FAM186A: variants seen among roughly 807,000 people sequenced by gnomAD.
FAM186A encodes the protein family with sequence similarity 186 member A, also known as protein FAM186A.
In FAM186A, 163 loss-of-function variants were observed where a neutral mutation model predicts 216.8. The ratio of observed to expected loss-of-function variants is 0.75; its 90% CI spans 0.66 to 0.86. The LOEUF (loss-of-function observed/expected upper bound fraction) is 0.86, where lower values mean the gene tolerates loss of function less well. FAM186A is among the 40% of genes least tolerant of loss of function. FAM186A has a pLI of 0.00. For synonymous variants in FAM186A, 805 were observed against 1,025.3 expected (o/e 0.79, Z 4.10); for missense variants, 2,184 against 2,746.2 (o/e 0.80, Z 4.58).
intron 1 of FAM186A, among the ~76,000 whole-genome samples, chr12:50,388,579 A>G (rs988221050): frequency 2.7e-5 from 4 of 150,078 alleles, no homozygotes; most frequent in African/African-American, 9.9e-5. Context: ...AGAATGCACC[A>G]TTGCACTCCA....
At chr12:50,375,249 A>G (rs1229960220) in intron 1 of FAM186A, among the ~76,000 whole-genome samples, 1 of 151,992 alleles carries the variant, frequency 6.6e-6, no homozygotes, top group African/African-American at 2.4e-5. Context: ...GCGATATACA[A>G]TTACAAACTG....
chr12:50,333,530 A>G (rs78907107), intron 5 of FAM186A, among the ~76,000 whole-genome samples: 3 of 152,276 alleles, frequency 2.0e-5, no homozygotes, highest in Non-Finnish European at 1.5e-5. Context: ...CTGTCTCAAA[A>G]AAACGAAAAA....
chr12:50,380,654 C>T (rs1428256836), intron 1 of FAM186A, among the ~76,000 whole-genome samples: 2 of 151,552 alleles, frequency 1.3e-5, no homozygotes, highest in Non-Finnish European at 2.9e-5. Context: ...TGAGATCATG[C>T]CACTGCATTC....
rs199775951 is a variant in FAM186A at position 50,331,734 on chromosome 12, G to C, written c.6784C>G (p.Gln2262Glu). ...KQIPASTTFV[Q>E]KPFLKLLMEE... ...ATTAGTAATTTTAAGAATGGCTTTT[G>C]AACAAATGTGGTAGAGGCAGGTATC... Residue 2262 changes from glutamine to glutamate, a missense_variant, in exon 6 of 8, where the codon CAA becomes GAA. This residue lies in a region of FAM186A where 721 missense variants were observed against 816.4 expected (regional missense o/e 0.88). Transcript: ENST00000327337. 5.4e-5 allele frequency: 83 copies of C among 1,549,570 alleles called. No individual in the cohort carries two copies. Among genetic ancestry groups the C allele is most frequent in the Non-Finnish European group, 7.2e-5 (82 of 1,146,632 alleles).
At chr12:50,391,336 G>C (rs897692217) in intron 1 of FAM186A, among the ~76,000 whole-genome samples, 1 of 149,772 alleles carries the variant, frequency 6.7e-6, no homozygotes, top group Admixed American at 6.7e-5. Context: ...TATATTTTTT[G>C]AGACAGAGTC....
intron 1 of FAM186A, among the ~76,000 whole-genome samples, chr12:50,371,643 A>G (rs2136101185): frequency 6.6e-6 from 1 of 152,274 alleles, no homozygotes; most frequent in Non-Finnish European, 1.5e-5. Flanking sequence ...GATAAGGAGA[A>G]AGGGAAATGG....
Position 50,360,867 on chromosome 12 carries a change from G to A in FAM186A, c.472C>T (p.Gln158Ter). The A allele has an allele frequency of 6.4e-7, 1 of 1,551,114 alleles. No individual in the cohort carries two copies. The highest frequency in any genetic ancestry group is 8.7e-7 in the Non-Finnish European group (1 of 1,146,792). ...AACGTGTCCGGTAACAACTCCATTT[G>A]TGCTATCCAGTGGTGGTGTTCATCA... is the stretch of plus-strand genomic sequence containing the variant. ...DVDEHHHWIA[Q>*]MELLPDTLKA... The change falls in exon 3 of 8, where the codon CAA becomes TAA. Residue 158 changes from glutamine (Q) to a stop codon, truncating the protein, a stop_gained. Coordinates refer to ENST00000327337, the MANE Select transcript of FAM186A (RefSeq NM_001145475.3). LOFTEE classifies it high-confidence loss of function.
At chr12:50,344,615 T>G (rs1942794813) in intron 4 of FAM186A, among the ~76,000 whole-genome samples, 1 of 152,202 alleles carries the variant, frequency 6.6e-6, no homozygotes, top group South Asian at 2.1e-4. Flanking sequence ...TATTTTCCTT[T>G]GAATATATAC....
At position 50,351,236 on chromosome 12, in the gene FAM186A, C is replaced by T. The variant is rs1942875202; in HGVS notation, c.5596G>A (p.Ala1866Thr). 6.4e-7 allele frequency: 1 copy of T among 1,551,486 alleles called. No homozygotes were observed. The highest frequency in any genetic ancestry group is 8.7e-7 in the Non-Finnish European group (1 of 1,146,912). ...LSPGQPLVPE[A>T]SSIPGDLLES... The stretch of plus-strand genomic sequence containing the variant: ...AGGAGGTCCCCAGGGATGGAAGAGG[C>T]TTCAGGAACTAAGGGCTGCCCAGGA... Residue 1866 changes from alanine (A) to threonine (T), a missense_variant, in exon 4 of 8, where the codon GCC (alanine) becomes ACC (threonine). Physicochemically the swap from Ala to Thr is moderately conservative, Grantham distance 58 (BLOSUM62 0). Coordinates refer to ENST00000327337, the MANE Select transcript of FAM186A (RefSeq NM_001145475.3).
intron 4 of FAM186A, among the ~76,000 whole-genome samples, chr12:50,341,575 A>G (rs962301747): frequency 1.4e-4 from 21 of 152,144 alleles, no homozygotes; most frequent in African/African-American, 3.9e-4. Flanking sequence ...AGTGGCTCAT[A>G]CCTGTAATCC....
Position 50,354,558 on chromosome 12 carries a change from A to C in FAM186A, c.2274T>G (p.Phe758Leu). The change falls in exon 4 of 8, where the codon TTT (phenylalanine) becomes TTG (leucine). Residue 758 changes from phenylalanine to leucine, a missense_variant. Physicochemically the swap from Phe to Leu is conservative, Grantham distance 22 (BLOSUM62 0). This residue lies in a region of FAM186A where 1,132 missense variants were observed against 1,263.4 expected (regional missense o/e 0.90). Transcript: ENST00000327337. ...KPIKQKKVVSFMPGLHFQKSP... is the reference protein window; with the variant it reads ...KPIKQKKVVSLMPGLHFQKSP... ...ACTTCTGAAAATGCAATCCTGGCAT[A>C]AATGAGACTACCTTTTTTTGTTTTA... The C allele has an allele frequency of 1.3e-6, 2 of 1,551,562 alleles. No homozygotes were observed. The highest frequency in any genetic ancestry group is 2.4e-5 in the South Asian group (2 of 84,014).
chr12:50,388,534 G>A (rs935955238), intron 1 of FAM186A, among the ~76,000 whole-genome samples: 1 of 151,442 alleles, frequency 6.6e-6, no homozygotes. Flanking sequence ...CAGGAGAATC[G>A]CTTGAACCTG....
In FAM186A at chr12:50,354,966, T is replaced by A; in HGVS notation, c.1866A>T (p.Glu622Asp). 6.5e-7 allele frequency: 1 copy of A among 1,549,676 alleles called. No individual in the cohort carries two copies. The highest frequency in any genetic ancestry group is 8.7e-7 in the Non-Finnish European group (1 of 1,146,616). Residue 622 changes from glutamate (E) to aspartate (D), a missense_variant, in exon 4 of 8, where the codon GAA becomes GAT. Glu to Asp is a conservative substitution (Grantham distance 45). This residue lies in a region of FAM186A where 1,132 missense variants were observed against 1,263.4 expected (regional missense o/e 0.90). Coordinates refer to ENST00000327337, the MANE Select transcript of FAM186A (RefSeq NM_001145475.3). The part of the protein sequence containing the change: ...ISSGTITSKE[E>D]KTEEKEELTK... ...TCAACTCTTCCTTCTCTTCAGTTTT[T>A]TCTTCTTTGCTTGTGATAGTTCCTG...
Position 50,379,236 on chromosome 12 carries a change from C to T in FAM186A, c.193-15872G>A, listed in dbSNP as rs557662515. On this transcript the variant is annotated intron_variant, in intron 1 of 7. Coordinates refer to ENST00000327337, the MANE Select transcript of FAM186A (RefSeq NM_001145475.3). Reference sequence around the variant, plus strand: ...TGGGTGGATCATAAGGTCAGGAGATCGAGACCCTCCTACCTAACATGGTGA... The same window carrying T: ...TGGGTGGATCATAAGGTCAGGAGATTGAGACCCTCCTACCTAACATGGTGA... 7.3e-5 allele frequency among the ~76,000 whole-genome samples: 11 copies of T among 151,624 alleles called. No homozygotes were observed. In the East Asian group the frequency reaches 2.0e-3, roughly 27 times the overall value.
In FAM186A at chr12:50,352,919, G is replaced by C; in HGVS notation, c.3913C>G (p.Pro1305Ala). ...QAQTLGIPLTPKQAQALGIPF... is the reference protein window; with the variant it reads ...QAQTLGIPLTAKQAQALGIPF... Reference sequence around the variant, plus strand: ...ATCCCCAGAGCCTGTGCCTGCTTAGGGGTGAGAGGGATCCCCAGGGTCTGG... The same window carrying C: ...ATCCCCAGAGCCTGTGCCTGCTTAGCGGTGAGAGGGATCCCCAGGGTCTGG... Residue 1305 changes from proline (P) to alanine (A), a missense_variant, in exon 4 of 8, where the codon CCT (proline) becomes GCT (alanine). By Grantham distance (27) the Pro-to-Ala change is conservative. Around this residue, in one of 7 missense-constraint regions of FAM186A, gnomAD observed 267 missense variants for 446.2 expected, o/e 0.60. Coordinates refer to ENST00000327337, the MANE Select transcript of FAM186A (RefSeq NM_001145475.3). 6.5e-7 allele frequency: 1 copy of C among 1,533,490 alleles called. No individual in the cohort carries two copies. The highest frequency in any genetic ancestry group is 8.8e-7 in the Non-Finnish European group (1 of 1,137,596). The allele number at this position is 1,533,490 out of a possible 1,614,324, so 95.0% of individuals were successfully genotyped here. A position where few individuals can be genotyped will look rare whatever the true frequency, so the allele number is the denominator to read the frequency against.
intron 1 of FAM186A, among the ~76,000 whole-genome samples, chr12:50,372,504 G>T (rs188711616): frequency 2.6e-5 from 4 of 151,774 alleles, no homozygotes; most frequent in Non-Finnish European, 5.9e-5. Flanking sequence ...TGAGACAGGA[G>T]AATTGCTTGA....
chr12:50,336,309 GA>G (rs1466763155), intron 4 of FAM186A, among the ~76,000 whole-genome samples: 5 of 152,042 alleles, frequency 3.3e-5, no homozygotes, highest in African/African-American at 1.2e-4. Context: ...AAGAGGAAAA[GA>G]AATCTCAGCA....
chr12:50,347,994 T>G lies in FAM186A; in HGVS notation c.6503+2335A>C, dbSNP rs185855255. 3.9e-3 allele frequency among the ~76,000 whole-genome samples: 588 copies of G among 150,388 alleles called. 10 individuals carry two copies. The highest frequency in any genetic ancestry group is 0.038 in the South Asian group (177 of 4,714). On this transcript the variant is annotated intron_variant, in intron 4 of 7. Transcript: ENST00000327337. ...TTCAAGCAATTCTTCTGCCTCAGCC[T>G]CCTGAGTAGCTGGGACTACAGGTGT...
chr12:50,338,113 C>T (rs1942728410), intron 4 of FAM186A, among the ~76,000 whole-genome samples: 1 of 152,190 alleles, frequency 6.6e-6, no homozygotes. Context: ...TTTACATTTA[C>T]TGAGCATCTA....
Sources: gnomAD v4.1 joint callset for allele counts (sites outside exome capture counted in the v4.1 genomes callset) on GRCh38, gnomAD v4.1.1 for gene constraint, gnomAD v4.1.1 regional missense constraint, MANE v1.5 for transcripts, NCBI Gene and HGNC (gene_info 2026-07-23, HGNC 2026-07-21) for gene names.